Variants in TET2 observed in about 807,000 individuals in gnomAD.
The protein encoded by TET2 is methylcytosine dioxygenase TET2.
TET2 carries 299 observed loss-of-function variants against 142.9 expected under a neutral mutation model. The observed-to-expected ratio is 2.09, with a 90% CI of 1.90 to 2.30. The LOEUF is 2.30. TET2 is among the 30% of genes most tolerant of loss of function. The probability of loss-of-function intolerance (pLI) is 0.00; values close to 1 mark genes in which losing one functional copy is unlikely to be tolerated. For missense variants in TET2, 2,418 were observed against 2,378.0 expected (o/e 1.02, Z -0.35); for synonymous variants, 819 against 849.0 (o/e 0.96, Z 0.61).
chr4:105,255,433 G>A (rs1162113259), intron 6 of TET2, among the ~76,000 whole-genome samples: 3 of 152,176 alleles, frequency 2.0e-5, no homozygotes, highest in Admixed American at 2.0e-4. Flanking sequence ...TTTCACGTGT[G>A]CTTGAGAAGA....
chr4:105,219,395 C>T (rs774979328), intron 2 of TET2, among the ~76,000 whole-genome samples: 3 of 152,110 alleles, frequency 2.0e-5, no homozygotes, highest in Non-Finnish European at 4.4e-5. Context: ...ACATAGATGG[C>T]ATGCCTTTTG....
intron 1 of TET2, among the ~76,000 whole-genome samples, chr4:105,186,671 C>CATGTTGTCT (rs1453498029): frequency 6.6e-6 from 1 of 151,922 alleles, no homozygotes; most frequent in African/African-American, 2.4e-5. Context: ...GGGGTTTCAT[C>CATGTTGTCT]ATGTTGTCTA....
At chr4:105,159,513 C>T (rs1321990734) in intron 1 of TET2, among the ~76,000 whole-genome samples, 1 of 152,054 alleles carries the variant, frequency 6.6e-6, no homozygotes, top group Admixed American at 6.5e-5. Context: ...CTTCGGCCCC[C>T]CAAAGTGCTG....
intron 2 of TET2, among the ~76,000 whole-genome samples, chr4:105,228,469 T>C (rs1205535446): frequency 6.6e-6 from 1 of 152,094 alleles, no homozygotes; most frequent in Non-Finnish European, 1.5e-5. Context: ...TAGTAGCTAT[T>C]ATTATACTCA....
chr4:105,237,883 CT>C, intron 3 of TET2: 2 of 1,049,502 alleles, frequency 1.9e-6, no homozygotes, highest in Non-Finnish European at 2.3e-6. Context: ...CTAAAGTTTC[CT>C]TTTCTCCATT....
chr4:105,251,656 G>A (rs189370592), intron 6 of TET2, among the ~76,000 whole-genome samples: 344 of 152,038 alleles, frequency 2.3e-3, no homozygotes, highest in African/African-American at 4.8e-3. Flanking sequence ...GAGGACTTTC[G>A]CATCTCTGTT....
rs1422068864 is a variant in TET2 at position 105,240,688 on chromosome 4, T to A, written c.3410-651T>A. 5.6e-6 allele frequency: 6 copies of A among 1,080,322 alleles called. No homozygotes were observed. The African/African-American group carries it at 8.2e-5, about 15-fold the overall frequency. The allele number at this position is 1,080,322 out of a possible 1,614,324, so 66.9% of individuals were successfully genotyped here. On this transcript the variant is annotated intron_variant, in intron 3 of 10. Transcript: ENST00000380013. ...TGTAATCGTCTTCACTCTTCTCTTA[T>A]CACCCACCCCTATCTTCCCACTTTT...
intron 8 of TET2, among the ~76,000 whole-genome samples, chr4:105,266,347 TAAA>T (rs976986734): frequency 2.0e-5 from 3 of 148,642 alleles, no homozygotes; most frequent in African/African-American, 7.4e-5. Context: ...GTACAAAAAT[TAAA>T]AAAAAAATCT....
chr4:105,190,897 CAAAT>C (rs1487651669), intron 2 of TET2, among the ~76,000 whole-genome samples: 1 of 152,128 alleles, frequency 6.6e-6, no homozygotes, highest in Non-Finnish European at 1.5e-5. Flanking sequence ...TGTTAAGGAC[CAAAT>C]AAATGGTATT....
chr4:105,233,401 A>AAAAAAAAAAAAAAAG (rs70964638), intron 2 of TET2, among the ~76,000 whole-genome samples: 9 of 147,222 alleles, frequency 6.1e-5, no homozygotes, highest in Non-Finnish European at 1.2e-4. Flanking sequence ...AAAAAAAAAA[A>AAAAAAAAAAAAAAAG]GCTACTGCAG....
intron 6 of TET2, among the ~76,000 whole-genome samples, chr4:105,250,074 A>G (rs1164749227): frequency 2.0e-5 from 3 of 152,218 alleles, no homozygotes. Flanking sequence ...AGTTAATTTG[A>G]TGGTGAGAGA....
chr4:105,265,485 T>C (rs1730642046), intron 8 of TET2, among the ~76,000 whole-genome samples: 1 of 152,220 alleles, frequency 6.6e-6, no homozygotes, highest in African/African-American at 2.4e-5. Context: ...ATTGTATATC[T>C]GTTTTTGTTC....
intron 1 of TET2, among the ~76,000 whole-genome samples, chr4:105,177,251 C>T (rs1263609560): frequency 1.3e-5 from 2 of 151,998 alleles, no homozygotes; most frequent in Non-Finnish European, 2.9e-5. Flanking sequence ...TCCAAAGGCA[C>T]GATACATGAA....
chr4:105,235,486 AC>A lies in TET2; in HGVS notation c.1547del (p.Pro516HisfsTer17), dbSNP rs2110227825. 1 of 1,614,160 alleles carries A rather than the reference AC, an allele frequency of 6.2e-7. No homozygotes were observed. ...TRPMSEHLKH[N>X]PPIFGSSGEL... is the part of the protein sequence containing the mutation. The stretch of plus-strand genomic sequence containing the variant: ...CCAATGTCAGAACACCTCAAGCATA[AC>A]CCACCAATTTTTGGTAGCAGTGGAG... On this transcript the variant is annotated frameshift_variant, in exon 3 of 11. Coordinates refer to ENST00000380013, the MANE Select transcript of TET2 (RefSeq NM_001127208.3). LOFTEE classifies it high-confidence loss of function.
chr4:105,220,139 T>C (rs1445680822), intron 2 of TET2, among the ~76,000 whole-genome samples: 2 of 152,164 alleles, frequency 1.3e-5, no homozygotes, highest in Non-Finnish European at 2.9e-5. Flanking sequence ...CCAGTGTCAT[T>C]ATATAACTAC....
chr4:105,249,309 G>A (rs575196616), intron 6 of TET2, among the ~76,000 whole-genome samples: 1 of 152,286 alleles, frequency 6.6e-6, no homozygotes, highest in African/African-American at 2.4e-5. Context: ...ACAAGCATGA[G>A]CCACTGTGCC....
intron 2 of TET2, among the ~76,000 whole-genome samples, chr4:105,225,559 G>C (rs1163929209): frequency 6.6e-6 from 1 of 152,138 alleles, no homozygotes. Flanking sequence ...AATTTTACAA[G>C]AGTGACTTGG....
Position 105,268,154 on chromosome 4 carries a change from T to C in TET2, c.4045-1456T>C, listed in dbSNP as rs1730780140. Reference sequence around the variant, plus strand: ...AAATAAAACTGTACTTATTTGCAGATGACATGTTTGTCTACATAAGAAGTC... The same window carrying C: ...AAATAAAACTGTACTTATTTGCAGACGACATGTTTGTCTACATAAGAAGTC... On this transcript the variant is annotated intron_variant, in intron 8 of 10. Coordinates refer to ENST00000380013, the MANE Select transcript of TET2 (RefSeq NM_001127208.3). 3.3e-5 allele frequency among the ~76,000 whole-genome samples: 5 copies of C among 152,154 alleles called. No individual in the cohort carries two copies. The South Asian group carries it at 6.2e-4, about 19-fold the overall frequency.
chr4:105,167,298 CAAAG>C (rs1724202609), intron 1 of TET2, among the ~76,000 whole-genome samples: 2 of 151,636 alleles, frequency 1.3e-5, no homozygotes, highest in African/African-American at 4.8e-5. Context: ...ATTAGGCAAA[CAAAG>C]AAAATTAAAT....
Sources: allele counts gnomAD v4.1 joint callset (sites outside exome capture counted in the v4.1 genomes callset), GRCh38; gene constraint gnomAD v4.1.1; transcripts MANE v1.5; gene names NCBI Gene and HGNC (gene_info 2026-07-23, HGNC 2026-07-21).